The following ZBTB20 variants were observed in gnomAD, a reference collection of about 807,000 sequenced individuals.
The protein encoded by ZBTB20 is zinc finger and BTB domain containing 20.
Under a neutral mutation model 56.9 loss-of-function variants are expected in ZBTB20, and 9 were observed. That is an observed-to-expected ratio of 0.16 (90% CI 0.10 to 0.28). The LOEUF (loss-of-function observed/expected upper bound fraction) is 0.28. Ranked by LOEUF, ZBTB20 falls within the 10% of genes least tolerant of loss-of-function variation. The probability of loss-of-function intolerance (pLI) is 1.00; values close to 1 mark genes in which losing one functional copy is unlikely to be tolerated. For missense variants in ZBTB20, 655 were observed against 1,003.0 expected, an observed-to-expected ratio of 0.65 and a Z score of 4.69; for synonymous variants, 417 against 420.7, an observed-to-expected ratio of 0.99 and a Z score of 0.11.
chr3:114,737,322 A>T (rs1009389834), intron 5 of ZBTB20, among the ~76,000 whole-genome samples: 4 of 152,172 alleles, frequency 2.6e-5, no homozygotes, highest in African/African-American at 9.6e-5. Context: ...TTTTCTAGAT[A>T]TGGACCCACC....
chr3:115,103,949 TC>T, intron 1 of ZBTB20, among the ~76,000 whole-genome samples: 1 of 152,218 alleles, frequency 6.6e-6, no homozygotes, highest in South Asian at 2.1e-4. Flanking sequence ...AAAAGATGCA[TC>T]TCATAAAGGA....
chr3:114,471,832 C>T (rs1380499541), intron 7 of ZBTB20, among the ~76,000 whole-genome samples: 4 of 152,078 alleles, frequency 2.6e-5, no homozygotes, highest in Non-Finnish European at 4.4e-5. Flanking sequence ...ATTTATTTCT[C>T]CAAGAGGGTT....
chr3:114,957,995 AAT>A (rs1292544090), intron 3 of ZBTB20, among the ~76,000 whole-genome samples: 5 of 152,200 alleles, frequency 3.3e-5, no homozygotes, highest in Non-Finnish European at 5.9e-5. Flanking sequence ...CATTGCTATT[AAT>A]GGAATTCCAT....
At chr3:114,435,415 T>C (rs1197585079) in intron 7 of ZBTB20, among the ~76,000 whole-genome samples, 2 of 152,172 alleles carry the variant, frequency 1.3e-5, no homozygotes, top group African/African-American at 4.8e-5. Flanking sequence ...TTTTTTTGTA[T>C]AAGAATCCTA....
chr3:115,013,954 G>A (rs898882065), intron 2 of ZBTB20, among the ~76,000 whole-genome samples: 1 of 151,028 alleles, frequency 6.6e-6, no homozygotes, highest in African/African-American at 2.4e-5. Context: ...GAAAGGAAAT[G>A]AGTATATTGA....
chr3:114,665,344 T>C (rs1445234597), intron 6 of ZBTB20, among the ~76,000 whole-genome samples: 3 of 152,074 alleles, frequency 2.0e-5, no homozygotes, highest in African/African-American at 4.8e-5. Context: ...CTATATAGCC[T>C]ATATGTTAGT....
At chr3:114,636,070 C>G (rs1418205887) in intron 6 of ZBTB20, among the ~76,000 whole-genome samples, 1 of 152,102 alleles carries the variant, frequency 6.6e-6, no homozygotes, top group Non-Finnish European at 1.5e-5. Context: ...CCCCATAAGA[C>G]TGTCAGCAAA....
rs143027434 is a variant in ZBTB20, at chr3:114,810,526, A to G, written c.-416-9352T>C. On this transcript the variant is annotated intron_variant, in intron 4 of 11. Transcript: ENST00000675478. ...GTCCTGCCCTGGCAGAACTACTGAT[A>G]CAATGGAACTGTGGGGACGGATAAT... Among the ~76,000 whole-genome samples the G allele has an allele frequency of 8.2e-3, 1,243 of 152,272 alleles. 12 individuals carry two copies. The highest frequency in any genetic ancestry group is 0.027 in the African/African-American group (1,123 of 41,544).
intron 2 of ZBTB20, among the ~76,000 whole-genome samples, chr3:115,015,147 G>A (rs1438959682): frequency 1.3e-5 from 2 of 151,624 alleles, no homozygotes; most frequent in Non-Finnish European, 2.9e-5. Flanking sequence ...TTTAATGTAA[G>A]TTTGATTGGA....
At chr3:115,009,256 A>G (rs987832945) in intron 2 of ZBTB20, among the ~76,000 whole-genome samples, 1 of 151,738 alleles carries the variant, frequency 6.6e-6, no homozygotes, top group Admixed American at 6.6e-5. Context: ...CCCTTAATCT[A>G]TATGGTTAAA....
intron 4 of ZBTB20, among the ~76,000 whole-genome samples, chr3:114,898,995 T>C (rs762611305): frequency 2.9e-4 from 44 of 152,050 alleles, no homozygotes; most frequent in Non-Finnish European, 5.7e-4. Flanking sequence ...AAATATACAA[T>C]CTATAATAGC....
intron 10 of ZBTB20, among the ~76,000 whole-genome samples, chr3:114,365,668 G>C (rs1386486814): frequency 6.6e-6 from 1 of 152,176 alleles, no homozygotes; most frequent in Non-Finnish European, 1.5e-5. Flanking sequence ...GTGGGAGTGG[G>C]AAAACCTTTC....
intron 11 of ZBTB20, among the ~76,000 whole-genome samples, chr3:114,342,726 T>C (rs1294571644): frequency 6.6e-6 from 1 of 152,160 alleles, no homozygotes; most frequent in Admixed American, 6.5e-5. Context: ...GAACCAAGGA[T>C]AAATGAAACC....
chr3:114,448,021 A>G (rs1219597494), intron 7 of ZBTB20, among the ~76,000 whole-genome samples: 6 of 152,190 alleles, frequency 3.9e-5, no homozygotes, highest in Non-Finnish European at 7.4e-5. Context: ...TGTCTCAGAC[A>G]GTTGAAGAGA....
intron 1 of ZBTB20, among the ~76,000 whole-genome samples, chr3:115,140,212 G>A (rs956662035): frequency 2.0e-5 from 3 of 151,972 alleles, no homozygotes; most frequent in Non-Finnish European, 4.4e-5. Context: ...ATTAATGGCC[G>A]CAGTAGAACT....
intron 6 of ZBTB20, among the ~76,000 whole-genome samples, chr3:114,536,110 C>T (rs542588928): frequency 6.6e-6 from 1 of 152,176 alleles, no homozygotes; most frequent in Non-Finnish European, 1.5e-5. Context: ...CCTTCTCTCA[C>T]CACTCCTATT....
At chr3:114,800,424 G>C (rs1261900619) in intron 5 of ZBTB20, among the ~76,000 whole-genome samples, 2 of 151,768 alleles carry the variant, frequency 1.3e-5, no homozygotes, top group Non-Finnish European at 2.9e-5. Context: ...GCTAAATAAG[G>C]GTAGACCAGA....
chr3:114,602,558 G>C (rs1355062445), intron 6 of ZBTB20, among the ~76,000 whole-genome samples: 2 of 151,802 alleles, frequency 1.3e-5, no homozygotes, highest in African/African-American at 4.8e-5. Flanking sequence ...GTATGTATTT[G>C]TTTACTTTCT....
chr3:115,103,229 G>A (rs1054790908), intron 1 of ZBTB20, among the ~76,000 whole-genome samples: 7 of 152,158 alleles, frequency 4.6e-5, no homozygotes, highest in South Asian at 4.1e-4. Flanking sequence ...GGGCAATTTG[G>A]TTCTGTAGAA....
Sources: gnomAD v4.1 joint callset for allele counts (sites outside exome capture counted in the v4.1 genomes callset) on GRCh38, gnomAD v4.1.1 for gene constraint, MANE v1.5 for transcripts, NCBI Gene and HGNC (gene_info 2026-07-23, HGNC 2026-07-21) for gene names.